Variants in PCGF5 observed in about 807,000 individuals in gnomAD.
PCGF5 encodes the protein polycomb group ring finger 5.
In PCGF5, 9 loss-of-function variants were observed where a neutral mutation model predicts 44.3. That is an observed-to-expected ratio of 0.20 (90% CI 0.12 to 0.35). The LOEUF is 0.35. Ranked by LOEUF, PCGF5 falls within the 10% of genes least tolerant of loss-of-function variation. The pLI is 1.00. For synonymous variants in PCGF5, 95 were observed against 102.5 expected (o/e 0.93, Z 0.44); for missense variants, 146 against 305.3 (o/e 0.48, Z 3.89).
At chr10:91,237,508 C>T (rs1243849645) in intron 2 of PCGF5, among the ~76,000 whole-genome samples, 1 of 151,858 alleles carries the variant, frequency 6.6e-6, no homozygotes, top group African/African-American at 2.4e-5. Flanking sequence ...TTTGGGAGGC[C>T]GAAGTGGGCA....
At chr10:91,243,806 AAGTT>A (rs1233917103) in intron 3 of PCGF5, among the ~76,000 whole-genome samples, 1 of 152,212 alleles carries the variant, frequency 6.6e-6, no homozygotes, top group East Asian at 1.9e-4. Context: ...CAAAACATTA[AAGTT>A]AGTTTTATAT....
chr10:91,257,454 T>TC (rs1200529876), intron 6 of PCGF5, among the ~76,000 whole-genome samples: 3 of 151,616 alleles, frequency 2.0e-5, no homozygotes, highest in Non-Finnish European at 2.9e-5. Context: ...TATCCAGTAG[T>TC]CCCCCCCTTA....
At chr10:91,277,200 CAGTGTGTAGCATAGCTAT>C (rs1846337931) in intron 9 of PCGF5, among the ~76,000 whole-genome samples, 1 of 152,114 alleles carries the variant, frequency 6.6e-6, no homozygotes, top group African/African-American at 2.4e-5. Context: ...TGAGTCTTCC[CAGTGTGTAGCATAGCTAT>C]AGTAAGCACT....
intron 1 of PCGF5, among the ~76,000 whole-genome samples, chr10:91,199,152 C>T (rs1844199286): frequency 1.3e-5 from 2 of 152,220 alleles, no homozygotes; most frequent in Non-Finnish European, 2.9e-5. Flanking sequence ...GGGATCATCC[C>T]TGCTTCCACA....
chr10:91,224,865 T>A (rs527677971), intron 2 of PCGF5, among the ~76,000 whole-genome samples: 8 of 152,274 alleles, frequency 5.3e-5, no homozygotes, highest in Non-Finnish European at 1.2e-4. Flanking sequence ...ACCAATTGGC[T>A]ACCCTAGAGT....
chr10:91,250,734 C>A (rs553077661), intron 5 of PCGF5, among the ~76,000 whole-genome samples: 83 of 151,652 alleles, frequency 5.5e-4, no homozygotes, highest in African/African-American at 2.0e-3. Flanking sequence ...ATTGAGATAT[C>A]TTTAATGGAG....
chr10:91,213,669 A>G (rs1218629121), intron 1 of PCGF5, among the ~76,000 whole-genome samples: 2 of 147,410 alleles, frequency 1.4e-5, no homozygotes, highest in African/African-American at 2.5e-5. Flanking sequence ...TATTTTTAGT[A>G]GAGATGGGGT....
At chr10:91,249,218 T>A (rs1458944200) in intron 5 of PCGF5, among the ~76,000 whole-genome samples, 1 of 151,786 alleles carries the variant, frequency 6.6e-6, no homozygotes, top group East Asian at 1.9e-4. Context: ...TTATACATCA[T>A]GGAAATTTAG....
At chr10:91,164,793 T>C (rs1415775787) in intron 1 of PCGF5, among the ~76,000 whole-genome samples, 1 of 152,216 alleles carries the variant, frequency 6.6e-6, no homozygotes, top group Non-Finnish European at 1.5e-5. Flanking sequence ...ATCGCCTTCA[T>C]TATCTCCTGT....
At chr10:91,221,418 G>T (rs1269668673) in intron 1 of PCGF5, among the ~76,000 whole-genome samples, 1 of 152,124 alleles carries the variant, frequency 6.6e-6, no homozygotes. Flanking sequence ...GATATGAAAC[G>T]GTTTGCTGAA....
chr10:91,236,173 T>C (rs1485147495), intron 2 of PCGF5, among the ~76,000 whole-genome samples: 1 of 152,150 alleles, frequency 6.6e-6, no homozygotes, highest in Non-Finnish European at 1.5e-5. Flanking sequence ...ATGCATTGCA[T>C]AGTGGTTTGG....
At chr10:91,236,223 A>G (rs1212940659) in intron 2 of PCGF5, among the ~76,000 whole-genome samples, 1 of 152,194 alleles carries the variant, frequency 6.6e-6, no homozygotes, top group Non-Finnish European at 1.5e-5. Context: ...GATGGATACC[A>G]TCTTTGCTGC....
At position 91,282,133 on chromosome 10, in the gene PCGF5, A is replaced by C. The variant is rs1846469250; in HGVS notation, c.*3817A>C. 1.3e-5 allele frequency: 2 copies of C among 152,240 alleles called. No homozygotes were observed. Among genetic ancestry groups the C allele is most frequent in the African/African-American group, 4.8e-5 (2 of 41,456 alleles). 9.4% of individuals were successfully genotyped at this position (152,240 alleles called of 1,614,324 possible). On this transcript the variant is annotated 3_prime_UTR_variant, in exon 10 of 10. Transcript: ENST00000336126. ...TTCATTCTATGGGATTTATATAAGT[A>C]AGTGCTTTCTCTATATTCAAAATAT... is the stretch of plus-strand genomic sequence containing the variant.
intron 2 of PCGF5, among the ~76,000 whole-genome samples, chr10:91,235,606 C>G (rs186581901): frequency 9.5e-4 from 144 of 152,158 alleles, no homozygotes; most frequent in Non-Finnish European, 1.4e-3. Flanking sequence ...ACCCAAATCT[C>G]AAATTGAATT....
chr10:91,235,139 G>T (rs1437497418), intron 2 of PCGF5, among the ~76,000 whole-genome samples: 1 of 152,106 alleles, frequency 6.6e-6, no homozygotes, highest in Non-Finnish European at 1.5e-5. Flanking sequence ...TCATCTTTTG[G>T]CTGCATCAGT....
chr10:91,216,117 C>T (rs1844534321), upstream of PCGF5, among the ~76,000 whole-genome samples: 1 of 152,202 alleles, frequency 6.6e-6, no homozygotes, highest in Non-Finnish European at 1.5e-5. Context: ...TGGGCTTACA[C>T]TCTAGTGGGA....
At chr10:91,239,837 T>C (rs1845275924) in intron 2 of PCGF5, among the ~76,000 whole-genome samples, 1 of 152,226 alleles carries the variant, frequency 6.6e-6, no homozygotes, top group Non-Finnish European at 1.5e-5. Context: ...TTAGAATCTT[T>C]ATTTGAAATT....
chr10:91,222,469 A>G lies in PCGF5; in HGVS notation c.-183-220A>G, dbSNP rs75713540. On this transcript the variant is annotated intron_variant, in intron 1 of 9. Coordinates refer to ENST00000336126, the MANE Select transcript of PCGF5 (RefSeq NM_032373.5). Reference sequence around the variant, plus strand: ...GTAGTTAATAGCTTTGGGTGTCATTAGTATAGAGGTGGTAGTTGAGGTTCC... The same window carrying G: ...GTAGTTAATAGCTTTGGGTGTCATTGGTATAGAGGTGGTAGTTGAGGTTCC... Among the ~76,000 whole-genome samples, 115 of 152,312 alleles carry G rather than the reference A, an allele frequency of 7.6e-4. 1 individual carries two copies. The East Asian group carries it at 0.02, about 26-fold the overall frequency.
intron 1 of PCGF5, among the ~76,000 whole-genome samples, chr10:91,199,832 G>C (rs1844215208): frequency 6.6e-6 from 1 of 152,218 alleles, no homozygotes; most frequent in African/African-American, 2.4e-5. Flanking sequence ...CCCAGAAACA[G>C]ACCCCAAGAC....
Sources: gnomAD v4.1 joint callset for allele counts (sites outside exome capture counted in the v4.1 genomes callset) on GRCh38, gnomAD v4.1.1 for gene constraint, MANE v1.5 for transcripts, NCBI Gene and HGNC (gene_info 2026-07-23, HGNC 2026-07-21) for gene names.